Variants in SEC31A observed in about 807,000 individuals in gnomAD.
SEC31A encodes SEC31 homolog A, COPII component, also known as protein transport protein Sec31A.
A neutral mutation model predicts 151.0 loss-of-function variants in SEC31A; 70 were observed. That is an observed-to-expected ratio of 0.46 (90% CI 0.38 to 0.57). The LOEUF (loss-of-function observed/expected upper bound fraction) is 0.57, where lower values mean the gene tolerates loss of function less well. SEC31A is among the 20% of genes least tolerant of loss of function. The probability of loss-of-function intolerance (pLI) is 0.00; values close to 1 mark genes in which losing one functional copy is unlikely to be tolerated. For synonymous variants in SEC31A, 475 were observed against 505.9 expected, an observed-to-expected ratio of 0.94 and a Z score of 0.82; for missense variants, 1,330 against 1,471.2, an observed-to-expected ratio of 0.90 and a Z score of 1.57.
intron 22 of SEC31A, 38 bp from the exon 23 acceptor site, chr4:82,829,096 C>T (rs376791292): frequency 2.7e-5 from 41 of 1,531,376 alleles, no homozygotes; most frequent in African/African-American, 4.1e-5. Flanking sequence ...CTTTAGAATC[C>T]TGAAAGGAAA....
intron 22 of SEC31A, among the ~76,000 whole-genome samples, chr4:82,831,757 C>T (rs773679922): frequency 2.0e-5 from 3 of 152,124 alleles, no homozygotes; most frequent in Non-Finnish European, 4.4e-5. Flanking sequence ...GTAACCACCT[C>T]ATATGGTCTT....
At chr4:82,890,893 G>A in intron 1 of SEC31A, 195 bp downstream of exon 1, 2 of 1,393,450 alleles carry the variant, frequency 1.4e-6, no homozygotes, top group Non-Finnish European at 1.9e-6. Context: ...GGACGGGCGC[G>A]ATCACTGGAG....
intron 1 of SEC31A, 154 bp downstream of exon 1, chr4:82,890,934 C>T: frequency 1.4e-6 from 2 of 1,417,828 alleles, no homozygotes; most frequent in South Asian, 3.0e-5. Context: ...CCGCCGGGCC[C>T]GAAACCAAGA....
chr4:82,863,930 C>T (rs1734721663), intron 11 of SEC31A, among the ~76,000 whole-genome samples: 1 of 152,108 alleles, frequency 6.6e-6, no homozygotes, highest in Non-Finnish European at 1.5e-5. Context: ...ATTTGTTATT[C>T]TAATCTAACT....
At chr4:82,882,145 T>C (rs750765166) in intron 1 of SEC31A, among the ~76,000 whole-genome samples, 1 of 152,204 alleles carries the variant, frequency 6.6e-6, no homozygotes, top group Non-Finnish European at 1.5e-5. Flanking sequence ...GGCTCATGCC[T>C]GTAATCCCAG....
At chr4:82,820,967 G>T in intron 26 of SEC31A, 70 bp downstream of exon 26, 2 of 1,327,634 alleles carry the variant, frequency 1.5e-6, no homozygotes, top group South Asian at 1.2e-5. Context: ...TGGGAGTGCT[G>T]ATAAGACAAC....
chr4:82,888,385 C>CCT (rs1741372721), intron 1 of SEC31A, among the ~76,000 whole-genome samples: 1 of 122,440 alleles, frequency 8.2e-6, no homozygotes, highest in Non-Finnish European at 1.6e-5. Context: ...ACACAAAAAA[C>CCT]ATATATATAT....
intron 3 of SEC31A, 67 bp downstream of exon 3, chr4:82,880,732 G>C (rs1411324308): frequency 7.5e-7 from 1 of 1,339,556 alleles, no homozygotes; most frequent in East Asian, 2.4e-5. Flanking sequence ...CATAATTATA[G>C]ACAAATTAGG....
At chr4:82,838,515 T>C (rs960983294) in intron 22 of SEC31A, among the ~76,000 whole-genome samples, 2 of 152,280 alleles carry the variant, frequency 1.3e-5, no homozygotes, top group South Asian at 4.1e-4. Flanking sequence ...TGCAAACAAT[T>C]TATCTTGCAA....
In SEC31A at chr4:82,857,690, CCCA is replaced by C. The variant is rs762186869; in HGVS notation, c.1698_1700del (p.Ser566_Gly567delinsArg). 1 of 1,566,180 alleles carries C rather than the reference CCCA, an allele frequency of 6.4e-7. No homozygotes were observed. The highest frequency in any genetic ancestry group is 8.8e-7 in the Non-Finnish European group (1 of 1,138,772). ...AAATCAAAACCAACAAGTACTTACCCCCACTGACAGAGATATTAAATGTTCCTC... is the reference window on the plus strand; with the variant it reads ...AAATCAAAACCAACAAGTACTTACCCCTGACAGAGATATTAAATGTTCCTC... On this transcript the variant is annotated inframe_deletion and splice_region_variant, in exon 15 of 27. Coordinates refer to ENST00000395310, the MANE Select transcript of SEC31A (RefSeq NM_001077207.4).
chr4:82,839,723 T>C (rs1308371207), intron 22 of SEC31A, among the ~76,000 whole-genome samples: 1 of 152,242 alleles, frequency 6.6e-6, no homozygotes, highest in Non-Finnish European at 1.5e-5. Flanking sequence ...TATAGCACAC[T>C]ACTAACGTGC....
Position 82,824,584 on chromosome 4 carries a change from G to C in SEC31A, c.3382C>G (p.Gln1128Glu), listed in dbSNP as rs1375888093. The change falls in exon 25 of 27, where the codon CAG (glutamine) becomes GAG (glutamate). Residue 1128 changes from glutamine to glutamate, a missense_variant. Transcript: ENST00000395310. ...ILKTTFEDLI[Q>E]RCLSSATDPQ... ...TCTGTTGCTGAAGAAAGGCAGCGCT[G>C]AATAAGATCCTCAAATGTGGTCTTT... 3 of 1,613,980 alleles carry C rather than the reference G, an allele frequency of 1.9e-6. No homozygotes were observed. The highest frequency in any genetic ancestry group is 2.2e-5 in the East Asian group (1 of 44,876).
intron 3 of SEC31A, among the ~76,000 whole-genome samples, chr4:82,896,717 G>A (rs1168805183): frequency 2.6e-5 from 4 of 152,018 alleles, no homozygotes; most frequent in Admixed American, 6.5e-5. Flanking sequence ...AATTTTCCTT[G>A]GGGTGATACT....
upstream of SEC31A, among the ~76,000 whole-genome samples, chr4:82,891,505 C>T (rs1345800693): frequency 1.3e-5 from 2 of 152,208 alleles, no homozygotes; most frequent in African/African-American, 2.4e-5. Context: ...AGGAACGCCA[C>T]GTAGCACTAG....
At chr4:82,858,853 C>T (rs973022657) in intron 14 of SEC31A, among the ~76,000 whole-genome samples, 1 of 151,714 alleles carries the variant, frequency 6.6e-6, no homozygotes, top group African/African-American at 2.4e-5. Flanking sequence ...CAGGTGCCCA[C>T]CACCATGCCT....
chr4:82,871,929 A>ACAG lies in SEC31A; in HGVS notation c.782+12_782+14dup. On this transcript the variant is annotated intron_variant, in intron 7 of 26. Transcript: ENST00000395310. ...AAATAAACAAATCAAGTTCTTTGTA[A>ACAG]CAGCAGCACGATACCTGGCATGGTT... The ACAG allele has an allele frequency of 6.2e-7, 1 of 1,614,112 alleles. No individual in the cohort carries two copies. Among genetic ancestry groups the ACAG allele is most frequent in the Non-Finnish European group, 8.5e-7 (1 of 1,179,968 alleles).
At chr4:82,881,002 A>G (rs1038946036) in intron 2 of SEC31A, 80 bp from the exon 3 acceptor site, 1 of 1,219,132 alleles carries the variant, frequency 8.2e-7, no homozygotes. Flanking sequence ...AGTTAAAAGC[A>G]TGTTTTCCAT....
intron 8 of SEC31A, among the ~76,000 whole-genome samples, chr4:82,870,060 T>G (rs989468057): frequency 6.6e-6 from 1 of 152,132 alleles, no homozygotes; most frequent in Non-Finnish European, 1.5e-5. Flanking sequence ...TATTTCTGAG[T>G]CTAGGTAATA....
chr4:82,824,674 G>A lies in SEC31A; in HGVS notation c.3292C>T (p.His1098Tyr). ...TTTTTTGTTGGCAAAGACTGCACAT[G>A]CTGGAAGAAACACACCAAAAACTGA... Reference protein sequence around the residue: ...PGAPIGNTFQHVQSLPTKKIT... With the variant: ...PGAPIGNTFQYVQSLPTKKIT... The change falls in exon 25 of 27, where the codon CAT becomes TAT. Residue 1098 changes from histidine (H) to tyrosine (Y), a missense_variant and splice_region_variant. Transcript: ENST00000395310. 6.2e-7 allele frequency: 1 copy of A among 1,613,668 alleles called. No individual in the cohort carries two copies. Among genetic ancestry groups the A allele is most frequent in the East Asian group, 2.2e-5 (1 of 44,866 alleles).
Sources: gnomAD v4.1 joint callset for allele counts (sites outside exome capture counted in the v4.1 genomes callset) on GRCh38, gnomAD v4.1.1 for gene constraint, MANE v1.5 for transcripts, NCBI Gene and HGNC (gene_info 2026-07-23, HGNC 2026-07-21) for gene names.